The following ABCB11 variants were observed in gnomAD, a reference collection of about 807,000 sequenced individuals.
ABCB11 encodes bile salt export pump.
A neutral mutation model predicts 148.0 loss-of-function variants in ABCB11; 95 were observed. The observed-to-expected ratio is 0.64, with a 90% CI of 0.54 to 0.76. The LOEUF is 0.76. ABCB11 is among the 30% of genes least tolerant of loss of function. ABCB11 has a pLI of 0.00. For synonymous variants in ABCB11, 591 were observed against 555.4 expected (o/e 1.06, Z -0.90); for missense variants, 1,523 against 1,617.8 (o/e 0.94, Z 1.01).
intron 2 of ABCB11, among the ~76,000 whole-genome samples, chr2:169,017,365 G>T (rs891289838): frequency 6.6e-6 from 1 of 152,064 alleles, no homozygotes; most frequent in Non-Finnish European, 1.5e-5. Flanking sequence ...ATAGCCAGGG[G>T]TGTAAGGAAG....
In ABCB11 at chr2:168,971,915, T is replaced by A. The variant is rs747741736; in HGVS notation, c.1570A>T (p.Thr524Ser). Residue 524 changes from threonine (T) to serine (S), a missense_variant, in exon 14 of 28, where the codon ACA becomes TCA. Transcript: ENST00000650372. Reference protein sequence around the residue: ...ENIRYGREDATMEDIVQAAKE... With the variant: ...ENIRYGREDASMEDIVQAAKE... ...GCAGCTTGGACTATGTCTTCCATTG[T>A]TGCATCTTCTCTGCCATAGCGAATA... The A allele has an allele frequency of 3.1e-6, 5 of 1,613,166 alleles. No homozygotes were observed. Among genetic ancestry groups the A allele is most frequent in the Non-Finnish European group, 4.2e-6 (5 of 1,179,424 alleles).
rs4142231 is a variant in ABCB11 at position 169,012,317 on chromosome 2, T to C, written c.389+955A>G. 0.015 allele frequency among the ~76,000 whole-genome samples: 2,259 copies of C among 152,224 alleles called. 244 individuals carry two copies. In the East Asian group the frequency reaches 0.29, roughly 20 times the overall value. ...AGCATGAGGCACACTGCAAAGGCCA[T>C]GCTATGACAGTGAGTCAGCCCTGAG... On this transcript the variant is annotated intron_variant, in intron 5 of 27. Transcript: ENST00000650372.
intron 26 of ABCB11, among the ~76,000 whole-genome samples, chr2:168,926,360 G>A (rs974099264): frequency 2.0e-5 from 3 of 152,100 alleles, no homozygotes; most frequent in East Asian, 1.9e-4. Context: ...TAATACCAGT[G>A]GCCGCTTTCA....
chr2:168,974,899 T>C (rs1228198989), intron 12 of ABCB11, among the ~76,000 whole-genome samples: 1 of 150,290 alleles, frequency 6.7e-6, no homozygotes, highest in Non-Finnish European at 1.5e-5. Flanking sequence ...AATAAAAATA[T>C]ACTTTATGTA....
chr2:168,932,466 C>A lies in ABCB11; in HGVS notation c.3124G>T (p.Ala1042Ser), dbSNP rs1010411782. 10 of 1,613,106 alleles carry A rather than the reference C, an allele frequency of 6.2e-6. No individual in the cohort carries two copies. The African/African-American group carries it at 8.0e-5, about 13-fold the overall frequency. ...CGTGCAGCTGATATTTTAGCTTTTG[C>A]ATAACTTGGGGTGTAAGAGAAGGCT... is the stretch of plus-strand genomic sequence containing the variant. ...GRAFSYTPSYAKAKISAARFF... is the reference protein window; with the variant it reads ...GRAFSYTPSYSKAKISAARFF... Residue 1042 changes from alanine (A) to serine (S), a missense_variant, in exon 24 of 28, where the codon GCA (alanine) becomes TCA (serine). By Grantham distance (99) the Ala-to-Ser change is moderately conservative (BLOSUM62 1). Coordinates refer to ENST00000650372, the MANE Select transcript of ABCB11 (RefSeq NM_003742.4).
At chr2:168,964,180 C>G in intron 18 of ABCB11, 26 bp downstream of exon 18, 1 of 1,507,956 alleles carries the variant, frequency 6.6e-7, no homozygotes, top group African/African-American at 1.4e-5. Flanking sequence ...TCTTCCATTC[C>G]CCCCCATAAG....
chr2:169,009,619 C>T (rs1695122420), intron 5 of ABCB11, among the ~76,000 whole-genome samples: 1 of 151,088 alleles, frequency 6.6e-6, no homozygotes, highest in Non-Finnish European at 1.5e-5. Context: ...AGGAGAAATA[C>T]CTAATGTTAA....
At chr2:168,938,712 A>T (rs927447605) in intron 21 of ABCB11, among the ~76,000 whole-genome samples, 19 of 152,112 alleles carry the variant, frequency 1.2e-4, no homozygotes, top group Admixed American at 4.6e-4. Context: ...AATTTTTTTT[A>T]AAAAAGAATT....
chr2:168,997,077 G>A (rs536088258), intron 5 of ABCB11, among the ~76,000 whole-genome samples: 29 of 152,060 alleles, frequency 1.9e-4, no homozygotes, highest in Admixed American at 5.2e-4. Context: ...GTCCACTTTA[G>A]TCTCTTCCAT....
chr2:168,997,616 A>C (rs896986389), intron 5 of ABCB11, among the ~76,000 whole-genome samples: 3 of 152,028 alleles, frequency 2.0e-5, no homozygotes, highest in Non-Finnish European at 4.4e-5. Context: ...AGTCTACTTT[A>C]GAGAATCAGC....
intron 1 of ABCB11, among the ~76,000 whole-genome samples, chr2:169,030,987 A>G (rs1695849945): frequency 6.6e-6 from 1 of 151,728 alleles, no homozygotes; most frequent in Admixed American, 6.6e-5. Context: ...CTCTCTCTCT[A>G]AGAGATTGAT....
At chr2:168,972,961 A>C (rs757029505) in intron 13 of ABCB11, among the ~76,000 whole-genome samples, 3 of 152,024 alleles carry the variant, frequency 2.0e-5, no homozygotes, top group Non-Finnish European at 4.4e-5. Flanking sequence ...CATTGTGACA[A>C]TAAGTAATCA....
chr2:168,934,719 C>T (rs143569925), intron 23 of ABCB11, among the ~76,000 whole-genome samples: 1 of 152,344 alleles, frequency 6.6e-6, no homozygotes, highest in East Asian at 1.9e-4. Flanking sequence ...TATTAATTCA[C>T]ACTTTCATGC....
intron 5 of ABCB11, among the ~76,000 whole-genome samples, chr2:168,998,507 C>T (rs1164611970): frequency 6.6e-6 from 1 of 152,034 alleles, no homozygotes; most frequent in Non-Finnish European, 1.5e-5. Context: ...GCTAATTATT[C>T]GATTTGATCA....
At chr2:169,030,531 C>T (rs1695835149) in intron 1 of ABCB11, among the ~76,000 whole-genome samples, 1 of 152,196 alleles carries the variant, frequency 6.6e-6, no homozygotes, top group African/African-American at 2.4e-5. Flanking sequence ...CTCTAAAAAG[C>T]TATTCCCCCT....
At chr2:168,992,479 G>T (rs1694563881) in intron 8 of ABCB11, among the ~76,000 whole-genome samples, 1 of 152,136 alleles carries the variant, frequency 6.6e-6, no homozygotes, top group African/African-American at 2.4e-5. Flanking sequence ...GTTCTCTGGA[G>T]TATAGTTGGA....
At chr2:168,960,929 T>G (rs901047199) in intron 18 of ABCB11, among the ~76,000 whole-genome samples, 3 of 151,518 alleles carry the variant, frequency 2.0e-5, no homozygotes, top group African/African-American at 7.3e-5. Flanking sequence ...ATGTGTTTCC[T>G]TGTACTTCTA....
intron 5 of ABCB11, among the ~76,000 whole-genome samples, chr2:169,003,981 C>T (rs533149321): frequency 6.6e-6 from 1 of 152,282 alleles, no homozygotes; most frequent in East Asian, 1.9e-4. Flanking sequence ...AATAGGACCC[C>T]AATCCCTTCT....
chr2:169,008,139 A>G (rs893115949), intron 5 of ABCB11, among the ~76,000 whole-genome samples: 1 of 152,198 alleles, frequency 6.6e-6, no homozygotes, highest in East Asian at 1.9e-4. Flanking sequence ...GCTCCCTAGG[A>G]TGGCTATTGT....
Sources: allele counts gnomAD v4.1 joint callset (sites outside exome capture counted in the v4.1 genomes callset), GRCh38; gene constraint gnomAD v4.1.1; transcripts MANE v1.5; gene names NCBI Gene and HGNC (gene_info 2026-07-23, HGNC 2026-07-21).